LARGE1: variants seen among roughly 807,000 people sequenced by gnomAD.
The protein encoded by LARGE1 is LARGE xylosyl- and glucuronyltransferase 1.
Under a neutral mutation model 87.6 loss-of-function variants are expected in LARGE1, and 43 were observed. That is an observed-to-expected ratio of 0.49 (90% CI 0.38 to 0.63). The LOEUF is 0.63. LARGE1 is among the 30% of genes least tolerant of loss of function. The probability of loss-of-function intolerance (pLI) is 0.00; values close to 1 mark genes in which losing one functional copy is unlikely to be tolerated. For synonymous variants in LARGE1, 434 were observed against 394.6 expected (o/e 1.10, Z -1.18); for missense variants, 802 against 1,000.2 (o/e 0.80, Z 2.67).
the LARGE1 span, among the ~76,000 whole-genome samples, chr22:33,139,776 G>T: frequency 6.6e-6 from 1 of 152,110 alleles, no homozygotes; most frequent in African/African-American, 2.4e-5. Context: ...GCCTTTAAGG[G>T]AACCCTTAGG....
At chr22:33,885,757 G>A (rs2413206) in intron 1 of LARGE1, among the ~76,000 whole-genome samples, 71,624 of 151,982 alleles carry the variant, frequency 0.47, 18,148 homozygotes, top group East Asian at 0.99. Context: ...GTGGCCGGGC[G>A]TGGTGACTCA....
chr22:33,880,319 G>A (rs2064638292), intron 1 of LARGE1, among the ~76,000 whole-genome samples: 1 of 152,178 alleles, frequency 6.6e-6, no homozygotes, highest in Non-Finnish European at 1.5e-5. Flanking sequence ...ACCATCCGCA[G>A]CTTCTATGGA....
intron 9 of LARGE1, among the ~76,000 whole-genome samples, chr22:33,353,950 T>G (rs1272177322): frequency 2.0e-5 from 3 of 152,170 alleles, no homozygotes; most frequent in Non-Finnish European, 2.9e-5. Flanking sequence ...AAGGCAAGAC[T>G]AAAAATAGCA....
At chr22:33,750,332 T>C (rs2084264864) in intron 2 of LARGE1, among the ~76,000 whole-genome samples, 1 of 152,190 alleles carries the variant, frequency 6.6e-6, no homozygotes, top group South Asian at 2.1e-4. Flanking sequence ...CTTTTCACTT[T>C]TTTTAGGGAA....
intron 2 of LARGE1, among the ~76,000 whole-genome samples, chr22:33,746,857 C>T (rs1366440658): frequency 6.6e-6 from 1 of 152,110 alleles, no homozygotes; most frequent in African/African-American, 2.4e-5. Context: ...GAGGAGGGGG[C>T]GCTGAGACCA....
rs1254596296 is a variant in LARGE1, at chr22:33,652,994, C to T, written c.107-2326G>A. 3.9e-5 allele frequency among the ~76,000 whole-genome samples: 6 copies of T among 152,152 alleles called. No individual in the cohort carries two copies. The South Asian group carries it at 6.2e-4, about 16-fold the overall frequency. On this transcript the variant is annotated intron_variant, in intron 2 of 14. Coordinates refer to ENST00000397394, the MANE Select transcript of LARGE1 (RefSeq NM_133642.5). Reference sequence around the variant, plus strand: ...AGGTTGATTAGGGTTGCATTGTCACCGACTGGCCAATTACAAGCTTCAACC... The same window carrying T: ...AGGTTGATTAGGGTTGCATTGTCACTGACTGGCCAATTACAAGCTTCAACC...
intron 6 of LARGE1, among the ~76,000 whole-genome samples, chr22:33,444,403 CT>C (rs1038027370): frequency 2.9e-4 from 44 of 152,196 alleles, no homozygotes; most frequent in African/African-American, 1.0e-3. Context: ...TTCCTTTCTT[CT>C]TTTTTGAGAT....
intron 9 of LARGE1, among the ~76,000 whole-genome samples, chr22:33,340,367 A>G (rs1939010148): frequency 6.6e-6 from 1 of 151,804 alleles, no homozygotes; most frequent in South Asian, 2.1e-4. Context: ...TGAGCCACAT[A>G]AGCTGAACCC....
At chr22:33,115,209 G>A in the LARGE1 span, among the ~76,000 whole-genome samples, 2 of 152,080 alleles carry the variant, frequency 1.3e-5, no homozygotes, top group East Asian at 3.9e-4. Context: ...CCTTTAAAGC[G>A]CTCAAAAATA....
intron 8 of LARGE1, among the ~76,000 whole-genome samples, chr22:33,383,900 A>G (rs747969065): frequency 2.6e-5 from 4 of 152,338 alleles, no homozygotes; most frequent in Middle Eastern, 3.4e-3. Flanking sequence ...AAGCTCTATG[A>G]GGGCAAGTGC....
intron 2 of LARGE1, among the ~76,000 whole-genome samples, chr22:33,747,218 G>C (rs7292114): frequency 0.018 from 2,748 of 152,252 alleles, 84 homozygotes; most frequent in African/African-American, 0.063. Context: ...GAGGAGAGGA[G>C]AGCAAGGAAT....
chr22:33,843,871 A>G lies in LARGE1; in HGVS notation c.-83+76124T>C, dbSNP rs1391822280. 1.2e-4 allele frequency among the ~76,000 whole-genome samples: 19 copies of G among 152,084 alleles called. 1 individual carries two copies. The highest frequency in any genetic ancestry group is 1.0e-3 in the Admixed American group (16 of 15,264). On this transcript the variant is annotated intron_variant, in intron 1 of 14. Coordinates refer to ENST00000397394, the MANE Select transcript of LARGE1 (RefSeq NM_133642.5). The stretch of plus-strand genomic sequence containing the variant: ...GGCGGGCGGATCACCTGAAGTCAGC[A>G]GTTCGAGACCAGGCTGCCCAACACA...
At chr22:33,453,463 T>C (rs893181976) in intron 6 of LARGE1, among the ~76,000 whole-genome samples, 2 of 151,620 alleles carry the variant, frequency 1.3e-5, no homozygotes, top group East Asian at 1.9e-4. Flanking sequence ...GACAGCTACA[T>C]ACTTCAGTCT....
chr22:33,883,853 C>T (rs528594342), intron 1 of LARGE1, among the ~76,000 whole-genome samples: 1 of 152,334 alleles, frequency 6.6e-6, no homozygotes, highest in East Asian at 1.9e-4. Context: ...ACACACACTC[C>T]ACCCTCCCTC....
At chr22:33,718,613 A>C (rs964069343) in intron 2 of LARGE1, among the ~76,000 whole-genome samples, 1 of 152,224 alleles carries the variant, frequency 6.6e-6, no homozygotes, top group African/African-American at 2.4e-5. Context: ...CCTGATCCAC[A>C]GTTATTTTAT....
the LARGE1 span, among the ~76,000 whole-genome samples, chr22:33,149,119 T>G: frequency 6.6e-6 from 1 of 150,460 alleles, no homozygotes; most frequent in Non-Finnish European, 1.5e-5. Context: ...CTCACTGCAA[T>G]CTCCGCCTCC....
At chr22:33,708,658 T>C (rs1180111340) in intron 2 of LARGE1, among the ~76,000 whole-genome samples, 1 of 152,178 alleles carries the variant, frequency 6.6e-6, no homozygotes, top group Non-Finnish European at 1.5e-5. Context: ...TGGAGTACAG[T>C]GGTGCTATCT....
chr22:33,169,296 T>C (rs1172683089), intron 11 of LARGE1, among the ~76,000 whole-genome samples: 1 of 152,118 alleles, frequency 6.6e-6, no homozygotes, highest in Non-Finnish European at 1.5e-5. Flanking sequence ...TCTTCCCATG[T>C]GGGCCCTAAA....
rs2149183528 is a variant in LARGE1 at position 33,650,640 on chromosome 22, C to T, written c.135G>A (p.Leu45=). The T allele has an allele frequency of 6.2e-7, 1 of 1,602,248 alleles. No individual in the cohort carries two copies. Among genetic ancestry groups the T allele is most frequent in the South Asian group, 1.1e-5 (1 of 91,042 alleles). ...EDGKPVSLSP[L]ESQAHSPRYT... is the part of the protein sequence containing the mutation. Reference sequence around the variant, plus strand: ...ACCTGGGGCTGTGTGCCTGGGACTCCAGCGGTGACAGAGACACGGGCTTTC... The same window carrying T: ...ACCTGGGGCTGTGTGCCTGGGACTCTAGCGGTGACAGAGACACGGGCTTTC... The change falls in exon 3 of 15, where the codon CTG becomes CTA. Residue 45 remains leucine, a synonymous_variant. Transcript: ENST00000397394.
Sources: gnomAD v4.1 joint callset for allele counts (sites outside exome capture counted in the v4.1 genomes callset) on GRCh38, gnomAD v4.1.1 for gene constraint, MANE v1.5 for transcripts, NCBI Gene and HGNC (gene_info 2026-07-23, HGNC 2026-07-21) for gene names.